The following VSIG10 variants were observed in gnomAD, a reference collection of about 807,000 sequenced individuals.
VSIG10 encodes the protein V-set and immunoglobulin domain-containing protein 10.
In VSIG10, 48 loss-of-function variants were observed where a neutral mutation model predicts 58.7. That is an observed-to-expected ratio of 0.82 (90% CI 0.65 to 1.04). The LOEUF (loss-of-function observed/expected upper bound fraction) is 1.04. VSIG10 is among the 50% of genes least tolerant of loss of function. The pLI is 0.00. For missense variants in VSIG10, 628 were observed against 670.0 expected, an observed-to-expected ratio of 0.94 and a Z score of 0.69; for synonymous variants, 260 against 267.1, an observed-to-expected ratio of 0.97 and a Z score of 0.26.
chr12:118,073,991 C>G lies in VSIG10; in HGVS notation c.927G>C (p.Arg309Ser). ...ESGASCMVQI[R>S]GPSLLSEPMK... ...TGGGCTCAGAGAGAAGGGAGGGACC[C>G]CCTGGTGATCAGAAGGTAAACAAAG... The change falls in exon 5 of 9, where the codon AGG becomes AGC. Residue 309 changes from arginine to serine, a missense_variant and splice_region_variant. Transcript: ENST00000359236. 6.5e-7 allele frequency: 1 copy of G among 1,542,278 alleles called. No homozygotes were observed. The highest frequency in any genetic ancestry group is 2.3e-5 in the East Asian group (1 of 44,014).
intron 1 of VSIG10, among the ~76,000 whole-genome samples, chr12:118,096,969 G>A (rs987601922): frequency 6.6e-6 from 1 of 152,158 alleles, no homozygotes; most frequent in Non-Finnish European, 1.5e-5. Flanking sequence ...AACCCAGGAG[G>A]TGGAGGTTGC....
chr12:118,097,026 G>A (rs1332040836), intron 1 of VSIG10, among the ~76,000 whole-genome samples: 3 of 152,096 alleles, frequency 2.0e-5, no homozygotes, highest in South Asian at 2.1e-4. Flanking sequence ...GCGACAGAGC[G>A]AGACTCGGTC....
chr12:118,068,259 T>A, intron 8 of VSIG10, 118 bp downstream of exon 8: 1 of 827,748 alleles, frequency 1.2e-6, no homozygotes, highest in Non-Finnish European at 1.8e-6. Flanking sequence ...AGTCTTGAAC[T>A]TCTGGGCTTA....
At chr12:118,087,694 C>T (rs918020145) in intron 2 of VSIG10, among the ~76,000 whole-genome samples, 7 of 151,668 alleles carry the variant, frequency 4.6e-5, no homozygotes, top group African/African-American at 1.2e-4. Context: ...AAAAATTAGC[C>T]GAGTGTGGTG....
chr12:118,091,178 C>T (rs943646046), intron 2 of VSIG10, among the ~76,000 whole-genome samples: 2 of 152,072 alleles, frequency 1.3e-5, no homozygotes, highest in Non-Finnish European at 2.9e-5. Context: ...TCCAAAATCT[C>T]CCCTCTGGCC....
intron 4 of VSIG10, among the ~76,000 whole-genome samples, chr12:118,077,993 G>C (rs12297488): frequency 0.58 from 88,120 of 151,918 alleles, 26,158 homozygotes; most frequent in African/African-American, 0.69. Context: ...CACTATGTTT[G>C]AGAGTAATTT....
chr12:118,079,447 T>C lies in VSIG10; in HGVS notation c.824A>G (p.Glu275Gly). The change falls in exon 4 of 9, where the codon GAA becomes GGA. Residue 275 changes from glutamate (E) to glycine (G), a missense_variant. Coordinates refer to ENST00000359236, the MANE Select transcript of VSIG10 (RefSeq NM_019086.6). ...CGACAGCTGGGACTCGCTCAGCATTTCCACCCCCAGCTTTGACTTCCCCAC... is the reference window on the plus strand; with the variant it reads ...CGACAGCTGGGACTCGCTCAGCATTCCCACCCCCAGCTTTGACTTCCCCAC... ...VIVGKSKLGVEMLSESQLSDG... is the reference protein window; with the variant it reads ...VIVGKSKLGVGMLSESQLSDG... 1 of 1,614,002 alleles carries C rather than the reference T, an allele frequency of 6.2e-7. No individual in the cohort carries two copies. Among genetic ancestry groups the C allele is most frequent in the Non-Finnish European group, 8.5e-7 (1 of 1,179,890 alleles).
chr12:118,073,277 G>A (rs1593497764), intron 5 of VSIG10, among the ~76,000 whole-genome samples: 3 of 152,088 alleles, frequency 2.0e-5, no homozygotes, highest in Admixed American at 2.0e-4. Flanking sequence ...CACCCGCCTC[G>A]GCCTCCCAAA....
At chr12:118,070,423 C>T (rs1593492025) in intron 7 of VSIG10, among the ~76,000 whole-genome samples, 1 of 151,820 alleles carries the variant, frequency 6.6e-6, no homozygotes, top group Admixed American at 6.6e-5. Context: ...TGGTGCGCAC[C>T]TGTAATCCCA....
Position 118,064,765 on chromosome 12 carries a change from G to A in VSIG10, c.*1874C>T, listed in dbSNP as rs1459099714. 1 of 152,188 alleles carries A rather than the reference G, an allele frequency of 6.6e-6. No individual in the cohort carries two copies. Among genetic ancestry groups the A allele is most frequent in the Admixed American group, 6.5e-5 (1 of 15,280 alleles). The allele number at this position is 152,188 out of a possible 1,614,324, so 9.4% of individuals were successfully genotyped here. A position where few individuals can be genotyped will look rare whatever the true frequency, so the allele number is the denominator to read the frequency against. On this transcript the variant is annotated 3_prime_UTR_variant, in exon 9 of 9. Coordinates refer to ENST00000359236, the MANE Select transcript of VSIG10 (RefSeq NM_019086.6). The stretch of plus-strand genomic sequence containing the variant: ...TCCCCAGTGTTCTGAGCAGGGGACA[G>A]GGCATACTTCTAGTGATTTGCTCAG...
At chr12:118,093,354 A>C in intron 2 of VSIG10, among the ~76,000 whole-genome samples, 1 of 151,844 alleles carries the variant, frequency 6.6e-6, no homozygotes, top group Non-Finnish European at 1.5e-5. Context: ...TGTAGTTTAC[A>C]ACCTCGCACT....
At chr12:118,087,077 G>GAAA (rs112904270) in intron 2 of VSIG10, among the ~76,000 whole-genome samples, 11 of 104,098 alleles carry the variant, frequency 1.1e-4, no homozygotes, top group Non-Finnish European at 2.3e-4. Context: ...TTTAAAAATT[G>GAAA]AAAAAAAAAA....
At chr12:118,095,087 T>C (rs922459245) in intron 2 of VSIG10, among the ~76,000 whole-genome samples, 3 of 152,148 alleles carry the variant, frequency 2.0e-5, no homozygotes, top group Admixed American at 1.3e-4. Flanking sequence ...ATATTTTTAA[T>C]AGAGATGGGG....
Position 118,068,420 on chromosome 12 carries a change from A to G in VSIG10, c.1524T>C (p.Asn508=). 2 of 1,613,674 alleles carry G rather than the reference A, an allele frequency of 1.2e-6. No homozygotes were observed. Among genetic ancestry groups the G allele is most frequent in the Non-Finnish European group, 8.5e-7 (1 of 1,179,830 alleles). ...DHIHRVTALV[N]GNIEQMGNGF... ...CATTTCCCATCTGTTCTATGTTCCCATTCACCAAGGCGGTCACTCTGTGAA... is the reference window on the plus strand; with the variant it reads ...CATTTCCCATCTGTTCTATGTTCCCGTTCACCAAGGCGGTCACTCTGTGAA... The change falls in exon 8 of 9, where the codon AAT becomes AAC. Residue 508 remains asparagine, a synonymous_variant. Coordinates refer to ENST00000359236, the MANE Select transcript of VSIG10 (RefSeq NM_019086.6).
intron 4 of VSIG10, among the ~76,000 whole-genome samples, chr12:118,074,759 G>A (rs181855444): frequency 5.3e-5 from 8 of 152,242 alleles, no homozygotes; most frequent in African/African-American, 9.6e-5. Context: ...GATTACAGGC[G>A]TGAGCCACCG....
chr12:118,084,179 G>A (rs1203352572), intron 2 of VSIG10, among the ~76,000 whole-genome samples: 1 of 152,126 alleles, frequency 6.6e-6, no homozygotes, highest in Non-Finnish European at 1.5e-5. Context: ...ACAATCTACA[G>A]CTGCTGCCTT....
At chr12:118,085,362 GAC>G (rs1446289379) in intron 2 of VSIG10, among the ~76,000 whole-genome samples, 2 of 152,178 alleles carry the variant, frequency 1.3e-5, no homozygotes, top group African/African-American at 4.8e-5. Flanking sequence ...CTTGGAGGTA[GAC>G]ACAGACCAGC....
At chr12:118,077,931 T>C (rs751254601) in intron 4 of VSIG10, among the ~76,000 whole-genome samples, 23 of 152,194 alleles carry the variant, frequency 1.5e-4, no homozygotes, top group Non-Finnish European at 2.8e-4. Flanking sequence ...CCTCTCTGAA[T>C]TCCTGACCCA....
At chr12:118,103,316 C>A in intron 1 of VSIG10, 1 of 354,234 alleles carries the variant, frequency 2.8e-6, no homozygotes, top group Non-Finnish European at 5.0e-6. Flanking sequence ...CTTTACTTTG[C>A]CCCCGCACGT....
Sources: gnomAD v4.1 joint callset for allele counts (sites outside exome capture counted in the v4.1 genomes callset) on GRCh38, gnomAD v4.1.1 for gene constraint, MANE v1.5 for transcripts, NCBI Gene and HGNC (gene_info 2026-07-23, HGNC 2026-07-21) for gene names.